Variants in ZNF577 observed in about 807,000 individuals in gnomAD.
ZNF577 encodes zinc finger protein 577.
ZNF577 carries 14 observed loss-of-function variants against 13.9 expected under a neutral mutation model. That is an observed-to-expected ratio of 1.00 (90% confidence interval 0.66 to 1.57). The LOEUF (loss-of-function observed/expected upper bound fraction) is 1.57. ZNF577 is among the 40% of genes most tolerant of loss of function. The probability of loss-of-function intolerance (pLI) is 0.00; values close to 1 mark genes in which losing one functional copy is unlikely to be tolerated. For missense variants in ZNF577, 555 were observed against 579.2 expected (o/e 0.96, Z 0.43); for synonymous variants, 203 against 202.9 (o/e 1.00, Z 0.00).
At position 51,887,323 on chromosome 19, in the gene ZNF577, GATGTT is replaced by G. The variant is rs2084963611; in HGVS notation, c.-726_-722del. ...TAATATGGGAATACGAAGTTGACAAGATGTTATTAAAGACGAATAAAATTATACCA... is the reference window on the plus strand; with the variant it reads ...TAATATGGGAATACGAAGTTGACAAGATTAAAGACGAATAAAATTATACCA... On this transcript the variant is annotated 5_prime_UTR_variant, in exon 1 of 6. An upstream open reading frame in the 5' UTR loses its in-frame stop. Coordinates refer to ENST00000638348, the MANE Select transcript of ZNF577 (RefSeq NM_001370449.1). 6.6e-6 allele frequency: 1 copy of G among 152,150 alleles called. No homozygotes were observed. The highest frequency in any genetic ancestry group is 2.4e-5 in the African/African-American group (1 of 41,422). 9.4% of individuals were successfully genotyped at this position (152,150 alleles called of 1,614,324 possible).
chr19:51,881,852 G>C (rs1410167300), intron 1 of ZNF577, among the ~76,000 whole-genome samples: 1 of 152,126 alleles, frequency 6.6e-6, no homozygotes, highest in Non-Finnish European at 1.5e-5. Context: ...GTCTCCCCAA[G>C]AACCACTCTA....
At chr19:51,884,180 G>A (rs1256603545) in intron 1 of ZNF577, among the ~76,000 whole-genome samples, 1 of 151,928 alleles carries the variant, frequency 6.6e-6, no homozygotes, top group Non-Finnish European at 1.5e-5. Flanking sequence ...GGGAAGCCGA[G>A]GCAGAAGGAC....
chr19:51,819,887 G>A (rs1340881069), intron 9 of ZNF577, among the ~76,000 whole-genome samples: 5 of 152,186 alleles, frequency 3.3e-5, no homozygotes, highest in African/African-American at 1.2e-4. Flanking sequence ...ATCAAATCTT[G>A]AGGGTTTCTT....
chr19:51,817,279 G>A (rs757841860), intron 9 of ZNF577, among the ~76,000 whole-genome samples: 1 of 152,146 alleles, frequency 6.6e-6, no homozygotes, highest in African/African-American at 2.4e-5. Context: ...TTTAAACTGA[G>A]CTACTGTACT....
intron 9 of ZNF577, among the ~76,000 whole-genome samples, chr19:51,839,209 T>C (rs533033707): frequency 8.7e-4 from 132 of 152,224 alleles, no homozygotes; most frequent in Middle Eastern, 3.4e-3. Context: ...AGGACTAAAA[T>C]GTTATTTCAA....
chr19:51,851,129 G>T (rs2084376860), intron 5 of ZNF577, among the ~76,000 whole-genome samples: 1 of 152,040 alleles, frequency 6.6e-6, no homozygotes. Flanking sequence ...TCTTTATAAG[G>T]TATCAGAAAT....
chr19:51,843,214 T>A (rs914380116), exon 7 of ZNF577: 5 of 153,220 alleles, frequency 3.3e-5, no homozygotes, highest in Non-Finnish European at 5.8e-5. Context: ...TGTTGTAATT[T>A]TCCAACATCA....
At chr19:51,879,596 T>A (rs1021781117) in intron 3 of ZNF577, among the ~76,000 whole-genome samples, 1 of 152,076 alleles carries the variant, frequency 6.6e-6, no homozygotes, top group Non-Finnish European at 1.5e-5. Context: ...TAATAATATT[T>A]ATAATTACAT....
chr19:51,848,156 C>T (rs1166954284), intron 5 of ZNF577, among the ~76,000 whole-genome samples: 1 of 152,220 alleles, frequency 6.6e-6, no homozygotes, highest in African/African-American at 2.4e-5. Context: ...TGTACTTCCA[C>T]CTTCTTTCCT....
Position 51,868,458 on chromosome 19 carries a change from C to A in ZNF577, c.*4074G>T, listed in dbSNP as rs1312580216. 6.6e-6 allele frequency among the ~76,000 whole-genome samples: 1 copy of A among 152,200 alleles called. No homozygotes were observed. Among genetic ancestry groups the A allele is most frequent in the Non-Finnish European group, 1.5e-5 (1 of 68,026 alleles). On this transcript the variant is annotated 3_prime_UTR_variant, in exon 6 of 6. Transcript: ENST00000638348. ...ACAAGGGCAAACATGTCCCACACAA[C>A]AATGGGATTCTGTAGGACTGCTTCC... is the stretch of plus-strand genomic sequence containing the variant.
chr19:51,817,586 G>A (rs910130182), intron 9 of ZNF577: 1 of 151,744 alleles, frequency 6.6e-6, no homozygotes, highest in Admixed American at 6.6e-5. Context: ...TGACCATTCA[G>A]CTTTTTTTTC....
At chr19:51,807,289 G>A (rs1336877131) in intron 10 of ZNF577, among the ~76,000 whole-genome samples, 3 of 152,130 alleles carry the variant, frequency 2.0e-5, no homozygotes, top group Non-Finnish European at 2.9e-5. Flanking sequence ...AACAGTAGGC[G>A]CTAGATTTCT....
Position 51,871,356 on chromosome 19 carries a change from A to G in ZNF577, c.*1176T>C, listed in dbSNP as rs1439375496. 1 of 150,720 alleles carries G rather than the reference A, an allele frequency of 6.6e-6. No homozygotes were observed. The highest frequency in any genetic ancestry group is 2.0e-4 in the East Asian group (1 of 5,110). 9.3% of individuals were successfully genotyped at this position (150,720 alleles called of 1,614,324 possible). A position where few individuals can be genotyped will look rare whatever the true frequency, so the allele number is the denominator to read the frequency against. ...GGTCTCAAACTTGCGGGCTCAAGTG[A>G]TCTTCCTGCCTTGGCCTCCCAAAGT... On this transcript the variant is annotated 3_prime_UTR_variant, in exon 6 of 6. Coordinates refer to ENST00000638348, the MANE Select transcript of ZNF577 (RefSeq NM_001370449.1).
intron 5 of ZNF577, among the ~76,000 whole-genome samples, chr19:51,852,487 T>G (rs1207619005): frequency 2.6e-5 from 4 of 152,260 alleles, no homozygotes; most frequent in African/African-American, 9.6e-5. Flanking sequence ...GATGTCTTTT[T>G]GCCCTGTTGA....
intron 4 of ZNF577, 125 bp downstream of exon 4, chr19:51,878,264 T>C: frequency 9.2e-7 from 1 of 1,088,772 alleles, no homozygotes. Flanking sequence ...TGTTATATAT[T>C]TTACCACCAC....
intron 5 of ZNF577, among the ~76,000 whole-genome samples, chr19:51,854,824 GT>G (rs1195798042): frequency 6.6e-6 from 1 of 152,008 alleles, no homozygotes; most frequent in Non-Finnish European, 1.5e-5. Context: ...TTCACTTTAT[GT>G]TTTTCACTTT....
intron 1 of ZNF577, among the ~76,000 whole-genome samples, chr19:51,883,140 C>T (rs1326065732): frequency 6.6e-6 from 1 of 151,748 alleles, no homozygotes; most frequent in Non-Finnish European, 1.5e-5. Context: ...TTACAGGTGC[C>T]CACCACCACG....
At chr19:51,807,883 T>C (rs1262138500) in intron 10 of ZNF577, among the ~76,000 whole-genome samples, 1 of 152,246 alleles carries the variant, frequency 6.6e-6, no homozygotes, top group Non-Finnish European at 1.5e-5. Context: ...CTGCCCATAG[T>C]CACAATTTGT....
At chr19:51,857,488 T>C (rs2084448678) in intron 5 of ZNF577, among the ~76,000 whole-genome samples, 1 of 152,104 alleles carries the variant, frequency 6.6e-6, no homozygotes, top group Admixed American at 6.5e-5. Context: ...TGTTTCAGGA[T>C]TTTTAGAAGA....
Sources: allele counts gnomAD v4.1 joint callset (sites outside exome capture counted in the v4.1 genomes callset), GRCh38; gene constraint gnomAD v4.1.1; transcripts MANE v1.5; gene names NCBI Gene and HGNC (gene_info 2026-07-23, HGNC 2026-07-21).